The following CEP57L1 variants were observed in gnomAD, a reference collection of about 807,000 sequenced individuals.
CEP57L1 encodes the protein centrosomal protein 57 like 1.
Under a neutral mutation model 61.0 loss-of-function variants are expected in CEP57L1, and 37 were observed. The observed-to-expected ratio is 0.61, with a 90% CI of 0.47 to 0.80. The LOEUF (loss-of-function observed/expected upper bound fraction) is 0.80, where lower values mean the gene tolerates loss of function less well. Ranked by LOEUF, CEP57L1 falls within the 30% of genes least tolerant of loss-of-function variation. CEP57L1 has a pLI of 0.00. For missense variants in CEP57L1, 422 were observed against 524.7 expected (o/e 0.80, Z 1.91); for synonymous variants, 137 against 162.3 (o/e 0.84, Z 1.19).
chr6:109,108,757 A>G (rs1018891524), intron 1 of CEP57L1, among the ~76,000 whole-genome samples: 1 of 152,214 alleles, frequency 6.6e-6, no homozygotes, highest in Non-Finnish European at 1.5e-5. Flanking sequence ...AAAAAGGCGA[A>G]GGATTTATAT....
chr6:109,122,197 CT>C (rs929079532), intron 1 of CEP57L1, among the ~76,000 whole-genome samples: 1 of 151,936 alleles, frequency 6.6e-6, no homozygotes, highest in Non-Finnish European at 1.5e-5. Flanking sequence ...TTTGTTTTGT[CT>C]TTGTTGGTTT....
rs777107822 is a variant in CEP57L1, at chr6:109,108,478, C to CTGGGATTACAGGCG, written c.-4+12906_-4+12919dup. Among the ~76,000 whole-genome samples, 22 of 152,194 alleles carry CTGGGATTACAGGCG rather than the reference C, an allele frequency of 1.4e-4. No individual in the cohort carries two copies. The South Asian group carries it at 4.1e-3, about 29-fold the overall frequency. The stretch of plus-strand genomic sequence containing the variant: ...CCACCTGTCTCAGCCTCCCAAAGTA[C>CTGGGATTACAGGCG]TGGGATTACAGGCGTGTAATCCCAC... On this transcript the variant is annotated intron_variant, in intron 1 of 10. Coordinates refer to ENST00000517392, the MANE Select transcript of CEP57L1 (RefSeq NM_001271852.3).
chr6:109,141,586 A>G (rs1026509953), intron 1 of CEP57L1, among the ~76,000 whole-genome samples: 1 of 152,078 alleles, frequency 6.6e-6, no homozygotes, highest in Admixed American at 6.6e-5. Flanking sequence ...TCTATTGACC[A>G]GTTTTTATTG....
chr6:109,141,817 T>C (rs1477925954), intron 1 of CEP57L1, among the ~76,000 whole-genome samples: 2 of 152,122 alleles, frequency 1.3e-5, no homozygotes, highest in East Asian at 1.9e-4. Context: ...TAAGTTAGCA[T>C]AGATGCATAC....
chr6:109,142,982 TCTCTCTCTCTCTCTCTCTCTCTCA>T, intron 1 of CEP57L1, among the ~76,000 whole-genome samples: 1 of 143,662 alleles, frequency 7.0e-6, no homozygotes, highest in African/African-American at 2.7e-5. Context: ...TCTCTCTCTC[TCTCTCTCTCTCTCTCTCTCTCTCA>T]CTGAATACTA....
intron 3 of CEP57L1, among the ~76,000 whole-genome samples, chr6:109,149,691 T>C (rs1314350566): frequency 6.6e-6 from 1 of 152,316 alleles, no homozygotes; most frequent in African/African-American, 2.4e-5. Context: ...TGGCATTGAA[T>C]CTATAAATTA....
In CEP57L1 at chr6:109,165,421, A is replaced by G. The variant is rs999550668; in HGVS notation, c.*2451A>G. On this transcript the variant is annotated 3_prime_UTR_variant, in exon 11 of 11. Coordinates refer to ENST00000517392, the MANE Select transcript of CEP57L1 (RefSeq NM_001271852.3). The stretch of plus-strand genomic sequence containing the variant: ...TTTTTTGAATCTGAGTGGCAAAAAA[A>G]AAAAAAAAATGTAGAACACATGTTT... Among the ~76,000 whole-genome samples the G allele has an allele frequency of 6.6e-6, 1 of 152,168 alleles. No individual in the cohort carries two copies. Among genetic ancestry groups the G allele is most frequent in the Non-Finnish European group, 1.5e-5 (1 of 68,030 alleles).
rs1366987322 is a variant in CEP57L1, at chr6:109,167,923, G to A, written c.*4953G>A. The stretch of plus-strand genomic sequence containing the variant: ...TCAAAATACTGTATTAGCTACTATG[G>A]AATTCCGTTTTCAAGTTGCTTATAG... On this transcript the variant is annotated 3_prime_UTR_variant, in exon 11 of 11. Coordinates refer to ENST00000517392, the MANE Select transcript of CEP57L1 (RefSeq NM_001271852.3). Among the ~76,000 whole-genome samples the A allele has an allele frequency of 6.6e-6, 1 of 152,168 alleles. No homozygotes were observed. Among genetic ancestry groups the A allele is most frequent in the Non-Finnish European group, 1.5e-5 (1 of 68,042 alleles).
intron 1 of CEP57L1, among the ~76,000 whole-genome samples, chr6:109,101,289 A>G (rs551710048): frequency 6.6e-6 from 1 of 152,364 alleles, no homozygotes; most frequent in African/African-American, 2.4e-5. Context: ...GGAATCATGC[A>G]GTATGTTGCC....
rs1771845623 is a variant in CEP57L1, at chr6:109,145,336, TTAG to T, written c.116_118del (p.Leu39_Glu40delinsTer). ...ATCTCAGAATTGCCATCCTGCAAAC[TTAG>T]AAGTTACCTCTCCTAAGATACTTCA... On this transcript the variant is annotated stop_gained and inframe_deletion, in exon 2 of 11. Transcript: ENST00000517392. LOFTEE classifies it high-confidence loss of function. The T allele has an allele frequency of 6.2e-7, 1 of 1,611,596 alleles. No individual in the cohort carries two copies. The highest frequency in any genetic ancestry group is 1.3e-5 in the African/African-American group (1 of 74,862).
Position 109,153,178 on chromosome 6 carries a change from G to T in CEP57L1, c.463-655G>T, listed in dbSNP as rs144208280. Reference sequence around the variant, plus strand: ...AGAATTAATTTATATTCTATACAAAGATGCATAGACGAGTTTGTTTCACTG... The same window carrying T: ...AGAATTAATTTATATTCTATACAAATATGCATAGACGAGTTTGTTTCACTG... On this transcript the variant is annotated intron_variant, in intron 4 of 10. Transcript: ENST00000517392. Among the ~76,000 whole-genome samples the T allele has an allele frequency of 7.7e-3, 1,110 of 144,500 alleles. 17 individuals carry two copies. Among genetic ancestry groups the T allele is most frequent in the African/African-American group, 0.027 (1,064 of 39,542 alleles). 94.8% of individuals were successfully genotyped at this position (144,500 alleles called of 152,430 possible).
rs748778479 is a variant in CEP57L1 at position 109,166,763 on chromosome 6, G to C, written c.*3793G>C. Reference sequence around the variant, plus strand: ...TGTAATGTGAGAAATCAATCTAAGGGGGGAAGAGGCCAGTTGGTTATGCAC... The same window carrying C: ...TGTAATGTGAGAAATCAATCTAAGGCGGGAAGAGGCCAGTTGGTTATGCAC... On this transcript the variant is annotated 3_prime_UTR_variant, in exon 11 of 11. Transcript: ENST00000517392. Among the ~76,000 whole-genome samples the C allele has an allele frequency of 6.6e-6, 1 of 152,110 alleles. No homozygotes were observed. The highest frequency in any genetic ancestry group is 1.5e-5 in the Non-Finnish European group (1 of 68,008).
chr6:109,145,688 T>A (rs562684230), intron 2 of CEP57L1, among the ~76,000 whole-genome samples: 1 of 152,106 alleles, frequency 6.6e-6, no homozygotes, highest in East Asian at 1.9e-4. Context: ...CTAAACTAGA[T>A]GATTAGAATG....
rs1774434843 is a variant in CEP57L1, at chr6:109,172,174, C to T, written c.*9204C>T. ...CACCTGTGAAGTCATGTAGACAGAC[C>T]ATAATTCTCTCAGCAGACAGACCAT... On this transcript the variant is annotated 3_prime_UTR_variant, in exon 11 of 11. Transcript: ENST00000517392. Among the ~76,000 whole-genome samples, 2 of 116,934 alleles carry T rather than the reference C, an allele frequency of 1.7e-5. No homozygotes were observed. Among genetic ancestry groups the T allele is most frequent in the East Asian group, 4.2e-4 (2 of 4,716 alleles). 76.7% of individuals were successfully genotyped at this position (116,934 alleles called of 152,430 possible). A position where few individuals can be genotyped will look rare whatever the true frequency, so the allele number is the denominator to read the frequency against.
intron 1 of CEP57L1, among the ~76,000 whole-genome samples, chr6:109,144,270 T>G (rs1173945629): frequency 6.6e-6 from 1 of 152,098 alleles, no homozygotes; most frequent in Non-Finnish European, 1.5e-5. Flanking sequence ...CTTTGCCTTG[T>G]GAATTGAGGA....
chr6:109,101,616 C>CTTTTTCTTTTTT (rs1782412121), intron 1 of CEP57L1, among the ~76,000 whole-genome samples: 1 of 126,524 alleles, frequency 7.9e-6, no homozygotes. Context: ...TTTTCTTTTT[C>CTTTTTCTTTTTT]TTTTTTCTTT....
intron 1 of CEP57L1, among the ~76,000 whole-genome samples, chr6:109,117,930 G>A (rs1423648198): frequency 1.3e-5 from 2 of 152,174 alleles, no homozygotes; most frequent in Non-Finnish European, 2.9e-5. Context: ...ATTTGGCATA[G>A]TGAGATGTAA....
intron 4 of CEP57L1, among the ~76,000 whole-genome samples, chr6:109,152,152 T>A (rs1005062120): frequency 2.0e-5 from 3 of 152,190 alleles, no homozygotes; most frequent in African/African-American, 7.2e-5. Context: ...GTATTGTTTT[T>A]GGTTTTGTTT....
rs189391493 is a variant in CEP57L1, at chr6:109,158,609, G to A, written c.745-416G>A. ...GTTTTCATTTTTCTAGGATAAATGC[G>A]TAAGAGAACAATTGTTGGGTCATGT... On this transcript the variant is annotated intron_variant, in intron 7 of 10. Coordinates refer to ENST00000517392, the MANE Select transcript of CEP57L1 (RefSeq NM_001271852.3). 1,033 of 457,928 alleles carry A rather than the reference G, an allele frequency of 2.3e-3. 5 individuals are homozygous for A. Among genetic ancestry groups the A allele is most frequent in the African/African-American group, 0.013 (630 of 50,200 alleles). The allele number at this position is 457,928 out of a possible 1,614,324, so 28.4% of individuals were successfully genotyped here. A position where few individuals can be genotyped will look rare whatever the true frequency, so the allele number is the denominator to read the frequency against.
Sources: allele counts gnomAD v4.1 joint callset (sites outside exome capture counted in the v4.1 genomes callset), GRCh38; gene constraint gnomAD v4.1.1; transcripts MANE v1.5; gene names NCBI Gene and HGNC (gene_info 2026-07-23, HGNC 2026-07-21).